The following PIGU variants were observed in gnomAD, a reference collection of about 807,000 sequenced individuals.
The protein encoded by PIGU is GPI-anchor transamidase component PIGU.
PIGU carries 24 observed loss-of-function variants against 49.9 expected under a neutral mutation model. The observed-to-expected ratio is 0.48, with a 90% CI of 0.35 to 0.68. PIGU has a LOEUF of 0.68. Ranked by LOEUF, PIGU falls within the 30% of genes least tolerant of loss-of-function variation. The pLI is 0.01. For synonymous variants in PIGU, 220 were observed against 205.7 expected (o/e 1.07, Z -0.59); for missense variants, 490 against 532.6 (o/e 0.92, Z 0.79).
intron 11 of PIGU, among the ~76,000 whole-genome samples, chr20:34,570,943 C>T (rs537375061): frequency 1.1e-4 from 16 of 152,284 alleles, no homozygotes; most frequent in Middle Eastern, 6.8e-3. Context: ...CAGGAATCTG[C>T]TCTGGGTATT....
At chr20:34,576,225 T>C (rs1040977458) in intron 10 of PIGU, among the ~76,000 whole-genome samples, 1 of 151,912 alleles carries the variant, frequency 6.6e-6, no homozygotes, top group Non-Finnish European at 1.5e-5. Flanking sequence ...AATTTTAAAA[T>C]TTAAAAATAA....
intron 1 of PIGU, 76 bp from the exon 2 acceptor site, chr20:34,657,320 C>A: frequency 1.9e-6 from 2 of 1,055,140 alleles, no homozygotes; most frequent in Admixed American, 1.9e-5. Context: ...CCCCCACAAC[C>A]AAAAAGGGCC....
intron 11 of PIGU, among the ~76,000 whole-genome samples, chr20:34,572,058 C>T (rs935267518): frequency 1.3e-5 from 2 of 152,138 alleles, no homozygotes; most frequent in African/African-American, 2.4e-5. Context: ...CTGCCAAAGG[C>T]GTAAAATGCA....
intron 6 of PIGU, among the ~76,000 whole-genome samples, chr20:34,618,812 C>T (rs1985102584): frequency 6.6e-6 from 1 of 151,966 alleles, no homozygotes; most frequent in Non-Finnish European, 1.5e-5. Flanking sequence ...AATAACACAT[C>T]CTCTCAATGG....
At position 34,648,766 on chromosome 20, in the gene PIGU, C is replaced by T. The variant is rs1986437190; in HGVS notation, c.196-3432G>A. Among the ~76,000 whole-genome samples, 7 of 152,048 alleles carry T rather than the reference C, an allele frequency of 4.6e-5. No individual in the cohort carries two copies. In the South Asian group the frequency reaches 1.5e-3, roughly 32 times the overall value. Reference sequence around the variant, plus strand: ...GTTTTGCCATGTTGCCCAAGCTGGTCTTGAACTCCTGGGCTCAAGCAATCC... The same window carrying T: ...GTTTTGCCATGTTGCCCAAGCTGGTTTTGAACTCCTGGGCTCAAGCAATCC... On this transcript the variant is annotated intron_variant, in intron 2 of 11. Coordinates refer to ENST00000217446, the MANE Select transcript of PIGU (RefSeq NM_080476.5).
intron 7 of PIGU, 60 bp downstream of exon 7, chr20:34,615,982 G>A (rs1984989827): frequency 2.0e-6 from 3 of 1,536,064 alleles, no homozygotes; most frequent in Admixed American, 2.3e-5. Flanking sequence ...TCCCCCAGCA[G>A]GGACCAGGCC....
chr20:34,565,018 T>G lies in PIGU; in HGVS notation c.1195-4039A>C, dbSNP rs139766268. On this transcript the variant is annotated intron_variant, in intron 11 of 11. Transcript: ENST00000217446. Reference sequence around the variant, plus strand: ...CTCTTCTGACCTTGGGGCTTTCCATTTGGGCCGTGAGGAGAGCAGGGATTT... The same window carrying G: ...CTCTTCTGACCTTGGGGCTTTCCATGTGGGCCGTGAGGAGAGCAGGGATTT... Among the ~76,000 whole-genome samples the G allele has an allele frequency of 7.2e-5, 11 of 152,300 alleles. No homozygotes were observed. In the East Asian group the frequency reaches 2.1e-3, roughly 29 times the overall value.
intron 1 of PIGU, among the ~76,000 whole-genome samples, chr20:34,660,021 C>T (rs1986880198): frequency 7.1e-6 from 1 of 140,056 alleles, no homozygotes; most frequent in South Asian, 2.2e-4. Flanking sequence ...AAATCCCCCT[C>T]TGCGAGAAAC....
chr20:34,668,229 G>A (rs1314325942), intron 1 of PIGU, among the ~76,000 whole-genome samples: 2 of 151,906 alleles, frequency 1.3e-5, no homozygotes, highest in African/African-American at 2.4e-5. Flanking sequence ...TTGGGAGGTC[G>A]AGGCAGGTGG....
intron 7 of PIGU, among the ~76,000 whole-genome samples, chr20:34,592,429 A>G (rs1435745578): frequency 7.9e-6 from 1 of 126,918 alleles, no homozygotes; most frequent in African/African-American, 2.7e-5. Context: ...TCTAATAAGA[A>G]TAATTAAGAA....
chr20:34,560,554 C>CA lies in PIGU; in HGVS notation c.*311dup, dbSNP rs1324945095. ...TGTGGTCTCAGGGTAGACTTCATAA[C>CA]AAAAAACATTTATTAAGTAGCCACA... On this transcript the variant is annotated 3_prime_UTR_variant, in exon 12 of 12. Transcript: ENST00000217446. 2 of 332,248 alleles carry CA rather than the reference C, an allele frequency of 6.0e-6. No homozygotes were observed. Among genetic ancestry groups the CA allele is most frequent in the East Asian group, 5.3e-5 (1 of 18,906 alleles). The allele number at this position is 332,248 out of a possible 1,614,324, so 20.6% of individuals were successfully genotyped here.
chr20:34,597,101 A>C (rs12106066), intron 7 of PIGU, among the ~76,000 whole-genome samples: 38 of 152,194 alleles, frequency 2.5e-4, no homozygotes, highest in African/African-American at 9.2e-4. Flanking sequence ...AGCAAAGCTA[A>C]ACGTACACTT....
At chr20:34,674,906 C>T (rs1327068119) in intron 1 of PIGU, among the ~76,000 whole-genome samples, 1 of 148,010 alleles carries the variant, frequency 6.8e-6, no homozygotes, top group Non-Finnish European at 1.5e-5. Context: ...ATTATCACTG[C>T]ACTCCAGCCT....
chr20:34,676,502 C>G lies in PIGU; in HGVS notation c.130+454G>C, dbSNP rs191506783. On this transcript the variant is annotated intron_variant, in intron 1 of 11. Coordinates refer to ENST00000217446, the MANE Select transcript of PIGU (RefSeq NM_080476.5). ...AAGAGACGTCTAAAGCACACGCACA[C>G]TCTCCTCGCTTAAGCAAAATTGGTC... Among the ~76,000 whole-genome samples the G allele has an allele frequency of 8.2e-3, 1,255 of 152,286 alleles. 25 individuals are homozygous for G. Among genetic ancestry groups the G allele is most frequent in the African/African-American group, 0.029 (1,215 of 41,546 alleles).
intron 1 of PIGU, among the ~76,000 whole-genome samples, chr20:34,659,163 G>T (rs1162061201): frequency 1.5e-5 from 2 of 133,676 alleles, no homozygotes; most frequent in African/African-American, 2.8e-5. Flanking sequence ...GAAGTGAGGA[G>T]CCCCTCTGCC....
At chr20:34,671,923 C>T (rs1314429866) in intron 1 of PIGU, among the ~76,000 whole-genome samples, 1 of 143,608 alleles carries the variant, frequency 7.0e-6, no homozygotes, top group African/African-American at 2.5e-5. Context: ...AACTCCTTCT[C>T]AAAAAAAAAA....
At chr20:34,574,079 G>T (rs1311338052) in intron 11 of PIGU, among the ~76,000 whole-genome samples, 1 of 152,222 alleles carries the variant, frequency 6.6e-6, no homozygotes, top group Non-Finnish European at 1.5e-5. Context: ...CATAGGAAAT[G>T]CCTGGCTGTG....
chr20:34,586,142 A>G (rs537040316), intron 8 of PIGU, among the ~76,000 whole-genome samples: 20 of 152,350 alleles, frequency 1.3e-4, no homozygotes, highest in Admixed American at 1.2e-3. Flanking sequence ...GTTTAACTGG[A>G]AAACTTTTTG....
At chr20:34,645,623 C>T (rs1254114034) in intron 2 of PIGU, among the ~76,000 whole-genome samples, 1 of 152,126 alleles carries the variant, frequency 6.6e-6, no homozygotes, top group East Asian at 1.9e-4. Flanking sequence ...TGGCCAGGTG[C>T]GGTGGCTCAC....
Sources: gnomAD v4.1 joint callset for allele counts (sites outside exome capture counted in the v4.1 genomes callset) on GRCh38, gnomAD v4.1.1 for gene constraint, MANE v1.5 for transcripts, NCBI Gene and HGNC (gene_info 2026-07-23, HGNC 2026-07-21) for gene names.